EXOC4: variants seen among roughly 807,000 people sequenced by gnomAD.
EXOC4 encodes the protein SEC8-like 1.
In EXOC4, 71 loss-of-function variants were observed where a neutral mutation model predicts 107.2. The ratio of observed to expected loss-of-function variants is 0.66; its 90% CI spans 0.55 to 0.81. The LOEUF (loss-of-function observed/expected upper bound fraction) is 0.81, where lower values mean the gene tolerates loss of function less well. Ranked by LOEUF, EXOC4 falls within the 30% of genes least tolerant of loss-of-function variation. The pLI is 0.00. For synonymous variants in EXOC4, 456 were observed against 441.2 expected (o/e 1.03, Z -0.42); for missense variants, 1,108 against 1,189.6 (o/e 0.93, Z 1.01).
the EXOC4 span, among the ~76,000 whole-genome samples, chr7:134,094,359 T>A: frequency 1.3e-5 from 2 of 152,010 alleles, no homozygotes; most frequent in Non-Finnish European, 2.9e-5. Flanking sequence ...TAAAACTGAA[T>A]CAGGAAGAAA....
intron 10 of EXOC4, among the ~76,000 whole-genome samples, chr7:133,777,225 T>C (rs917600705): frequency 5.3e-5 from 8 of 151,606 alleles, no homozygotes; most frequent in Admixed American, 3.9e-4. Flanking sequence ...TCTCCTGAGA[T>C]TGAAGATCAT....
chr7:133,494,424 C>G (rs547868637), intron 9 of EXOC4, among the ~76,000 whole-genome samples: 1 of 152,146 alleles, frequency 6.6e-6, no homozygotes, highest in Non-Finnish European at 1.5e-5. Flanking sequence ...ATATCATTCC[C>G]CACAGCATGT....
Position 133,895,547 on chromosome 7 carries a change from C to A in EXOC4, c.1735-52C>A, listed in dbSNP as rs548850322. ...ATACTTGGAGTTGTCCTTCCTTGTCCAACACATTGACTACAGAAATCTCAT... is the reference window on the plus strand; with the variant it reads ...ATACTTGGAGTTGTCCTTCCTTGTCAAACACATTGACTACAGAAATCTCAT... On this transcript the variant is annotated intron_variant, in intron 11 of 17. Transcript: ENST00000253861. The A allele has an allele frequency of 2.2e-5, 35 of 1,580,520 alleles. 1 individual carries two copies. The South Asian group carries it at 3.7e-4, about 17-fold the overall frequency.
chr7:133,477,593 G>A (rs1266667586), intron 8 of EXOC4, among the ~76,000 whole-genome samples: 1 of 152,030 alleles, frequency 6.6e-6, no homozygotes, highest in Non-Finnish European at 1.5e-5. Flanking sequence ...TGGCAATCAC[G>A]AATAAAGCTG....
chr7:133,672,974 T>C (rs1355303931), intron 10 of EXOC4, among the ~76,000 whole-genome samples: 1 of 152,184 alleles, frequency 6.6e-6, no homozygotes, highest in Non-Finnish European at 1.5e-5. Context: ...GCTCTCTTCT[T>C]TGAGGTCCAA....
chr7:133,853,345 AACACACACACACACACACACACAC>A (rs59000979), intron 11 of EXOC4, among the ~76,000 whole-genome samples: 55 of 115,570 alleles, frequency 4.8e-4, no homozygotes, highest in African/African-American at 1.1e-3. Flanking sequence ...CTCTCTCTTT[AACACACACACACACACACACACAC>A]ACACACACAC....
chr7:133,830,868 G>T (rs1317849349), intron 11 of EXOC4, among the ~76,000 whole-genome samples: 1 of 152,090 alleles, frequency 6.6e-6, no homozygotes, highest in Non-Finnish European at 1.5e-5. Flanking sequence ...TGCTGTTCGG[G>T]ATACCACAAT....
At chr7:133,477,111 C>T (rs1219576968) in intron 8 of EXOC4, among the ~76,000 whole-genome samples, 2 of 152,180 alleles carry the variant, frequency 1.3e-5, no homozygotes, top group African/African-American at 4.8e-5. Context: ...CCCTATTTAA[C>T]ATCTTGTATT....
chr7:133,874,601 T>C (rs939143296), intron 11 of EXOC4, among the ~76,000 whole-genome samples: 2 of 152,228 alleles, frequency 1.3e-5, no homozygotes, highest in African/African-American at 4.8e-5. Flanking sequence ...ATCTCACCTC[T>C]GAGGTGCACG....
intron 2 of EXOC4, among the ~76,000 whole-genome samples, chr7:133,285,616 C>A (rs1308078725): frequency 6.6e-6 from 1 of 151,920 alleles, no homozygotes; most frequent in Non-Finnish European, 1.5e-5. Flanking sequence ...GTCTCTTTAT[C>A]CCTTGTGTTC....
chr7:133,483,014 C>T (rs1445679314), intron 9 of EXOC4, among the ~76,000 whole-genome samples: 1 of 152,224 alleles, frequency 6.6e-6, no homozygotes, highest in East Asian at 1.9e-4. Flanking sequence ...GTTACTGCCA[C>T]ATCTTTAATG....
At chr7:133,363,238 G>A (rs1158807183) in intron 6 of EXOC4, among the ~76,000 whole-genome samples, 1 of 152,114 alleles carries the variant, frequency 6.6e-6, no homozygotes, top group Non-Finnish European at 1.5e-5. Context: ...TCTTCAACTA[G>A]GATATGTCCC....
At chr7:133,782,382 A>G (rs1002089385) in intron 10 of EXOC4, among the ~76,000 whole-genome samples, 1 of 152,182 alleles carries the variant, frequency 6.6e-6, no homozygotes, top group African/African-American at 2.4e-5. Flanking sequence ...CATCACACAA[A>G]TGTACCCATC....
At chr7:134,060,700 G>A (rs1585362640) in intron 17 of EXOC4, among the ~76,000 whole-genome samples, 2 of 152,256 alleles carry the variant, frequency 1.3e-5, no homozygotes, top group South Asian at 4.2e-4. Context: ...AGGACACCTG[G>A]TAGCACCCTT....
intron 5 of EXOC4, among the ~76,000 whole-genome samples, chr7:133,331,461 CTT>C (rs58568173): frequency 8.2e-5 from 7 of 85,580 alleles, no homozygotes; most frequent in African/African-American, 1.8e-4. Flanking sequence ...TTTCTTTTTT[CTT>C]TTTTTTTTTT....
chr7:133,995,212 G>A (rs1794359575), intron 14 of EXOC4, among the ~76,000 whole-genome samples: 1 of 152,096 alleles, frequency 6.6e-6, no homozygotes, highest in Admixed American at 6.6e-5. Context: ...GTGGTCAATT[G>A]CCACATGATA....
intron 9 of EXOC4, among the ~76,000 whole-genome samples, chr7:133,559,028 C>T (rs1037044072): frequency 2.0e-5 from 3 of 152,124 alleles, no homozygotes; most frequent in Admixed American, 6.5e-5. Flanking sequence ...GATTTTAAGC[C>T]GTTAAACCAA....
intron 10 of EXOC4, among the ~76,000 whole-genome samples, chr7:133,736,816 G>A (rs1795454087): frequency 6.6e-6 from 1 of 151,982 alleles, no homozygotes; most frequent in African/African-American, 2.4e-5. Context: ...TTATGTTTGT[G>A]TAATATCACC....
At chr7:134,041,756 T>C (rs1477796275) in intron 17 of EXOC4, among the ~76,000 whole-genome samples, 2 of 152,308 alleles carry the variant, frequency 1.3e-5, no homozygotes, top group East Asian at 3.9e-4. Flanking sequence ...TTCAGTTCAT[T>C]GTGAGAGAAG....
Sources: allele counts gnomAD v4.1 joint callset (sites outside exome capture counted in the v4.1 genomes callset), GRCh38; gene constraint gnomAD v4.1.1; transcripts MANE v1.5; gene names NCBI Gene and HGNC (gene_info 2026-07-23, HGNC 2026-07-21).